VPS13B: variants seen among roughly 807,000 people sequenced by gnomAD.
The protein encoded by VPS13B is intermembrane lipid transfer protein VPS13B.
A neutral mutation model predicts 426.4 loss-of-function variants in VPS13B; 285 were observed. That is an observed-to-expected ratio of 0.67 (90% CI 0.61 to 0.74). VPS13B has a LOEUF of 0.74. Among genes scored for constraint, VPS13B ranks in the 30% least tolerant of loss-of-function variants. The pLI is 0.00. For missense variants in VPS13B, 4,537 were observed against 4,782.6 expected (o/e 0.95, Z 1.51); for synonymous variants, 1,676 against 1,676.4 (o/e 1.00, Z 0.01).
intron 44 of VPS13B, among the ~76,000 whole-genome samples, chr8:99,813,282 C>T (rs1813828111): frequency 6.6e-6 from 1 of 152,110 alleles, no homozygotes; most frequent in South Asian, 2.1e-4. Context: ...TAAAAACCCA[C>T]CAAGAGGATC....
chr8:99,708,841 C>CTA (rs1210083380), intron 36 of VPS13B, among the ~76,000 whole-genome samples: 20 of 143,778 alleles, frequency 1.4e-4, no homozygotes, highest in Admixed American at 4.6e-4. Context: ...CTCTCTCTCT[C>CTA]TCTCTCTCTA....
At chr8:99,275,420 C>A (rs893562735) in intron 19 of VPS13B, among the ~76,000 whole-genome samples, 166 bp downstream of exon 19, 3 of 148,512 alleles carry the variant, frequency 2.0e-5, no homozygotes, top group Non-Finnish European at 3.0e-5. Flanking sequence ...TTTTGTATCA[C>A]TTTTGTTAAT....
intron 16 of VPS13B, among the ~76,000 whole-genome samples, chr8:99,176,360 C>T (rs1812632218): frequency 6.6e-6 from 1 of 152,102 alleles, no homozygotes; most frequent in African/African-American, 2.4e-5. Context: ...TGGTCTTGAA[C>T]TCCTGGCCTC....
chr8:99,456,644 T>G (rs1481088895), intron 23 of VPS13B, among the ~76,000 whole-genome samples: 1 of 152,242 alleles, frequency 6.6e-6, no homozygotes, highest in East Asian at 1.9e-4. Context: ...ATTTCTCAAA[T>G]GTATCCCATT....
intron 31 of VPS13B, among the ~76,000 whole-genome samples, chr8:99,570,904 C>A (rs924043290): frequency 1.1e-4 from 16 of 152,046 alleles, no homozygotes; most frequent in African/African-American, 3.6e-4. Flanking sequence ...TGAGGACCAC[C>A]CAGGTAATAT....
At chr8:99,569,434 C>T (rs973209051) in intron 31 of VPS13B, among the ~76,000 whole-genome samples, 19 of 148,546 alleles carry the variant, frequency 1.3e-4, no homozygotes, top group African/African-American at 4.7e-4. Flanking sequence ...GACCCTTTCT[C>T]ATACACAAAA....
intron 17 of VPS13B, among the ~76,000 whole-genome samples, chr8:99,221,516 T>C (rs1389093875): frequency 6.6e-6 from 1 of 152,234 alleles, no homozygotes; most frequent in Non-Finnish European, 1.5e-5. Context: ...TTAATAACTA[T>C]TTTCTTATGA....
At chr8:99,831,068 G>GTTTTTTTTTTTTTT (rs920493972) in intron 51 of VPS13B, among the ~76,000 whole-genome samples, 1 of 98,168 alleles carries the variant, frequency 1.0e-5, no homozygotes, top group African/African-American at 3.9e-5. Context: ...GGGAATTGGT[G>GTTTTTTTTTTTTTT]TTTTTTTCTT....
At chr8:99,379,796 TATG>T (rs779035783) in intron 19 of VPS13B, among the ~76,000 whole-genome samples, 5 of 152,178 alleles carry the variant, frequency 3.3e-5, no homozygotes, top group Non-Finnish European at 7.4e-5. Context: ...GTGGTATTTA[TATG>T]ATATTAGTTA....
At position 99,234,515 on chromosome 8, in the gene VPS13B, G is replaced by A. The variant is rs561286087; in HGVS notation, c.2516-39683G>A. ...ACACGCCGGTAGGGAAGGGGCTTCC[G>A]CGGGGTTGGGGTTCAGGGGCCGCAG... On this transcript the variant is annotated intron_variant, in intron 17 of 61. Transcript: ENST00000357162. 679 of 505,770 alleles carry A rather than the reference G, an allele frequency of 1.3e-3. 15 individuals are homozygous for A. Among genetic ancestry groups the A allele is most frequent in the South Asian group, 0.01 (653 of 62,574 alleles). The allele number at this position is 505,770 out of a possible 1,614,324, so 31.3% of individuals were successfully genotyped here.
intron 37 of VPS13B, among the ~76,000 whole-genome samples, chr8:99,719,490 A>C (rs923287208): frequency 6.6e-5 from 10 of 152,212 alleles, no homozygotes; most frequent in Non-Finnish European, 2.9e-5. Context: ...GCTAGGGTTT[A>C]AAACTTACCC....
At chr8:99,660,906 C>T (rs1164239747) in intron 34 of VPS13B, among the ~76,000 whole-genome samples, 1 of 152,034 alleles carries the variant, frequency 6.6e-6, no homozygotes, top group South Asian at 2.1e-4. Context: ...GTCAGTAAAA[C>T]TCTTAAAACA....
chr8:99,339,035 T>C (rs992626877), intron 19 of VPS13B, among the ~76,000 whole-genome samples: 5 of 152,202 alleles, frequency 3.3e-5, no homozygotes, highest in Admixed American at 1.3e-4. Context: ...GACACTATTC[T>C]AAAGTTAGAG....
rs1245895196 is a variant in VPS13B, at chr8:99,731,186, A to G, written c.7050+10139A>G. Reference sequence around the variant, plus strand: ...GAGAGGCCGCAGATGTGGCTTCTTAATCTCCATTCATTCCATGGTGGGAAA... The same window carrying G: ...GAGAGGCCGCAGATGTGGCTTCTTAGTCTCCATTCATTCCATGGTGGGAAA... On this transcript the variant is annotated intron_variant, in intron 39 of 61. Transcript: ENST00000357162. Among the ~76,000 whole-genome samples, 6 of 152,288 alleles carry G rather than the reference A, an allele frequency of 3.9e-5. No individual in the cohort carries two copies. In the East Asian group the frequency reaches 1.2e-3, roughly 29 times the overall value.
intron 3 of VPS13B, among the ~76,000 whole-genome samples, chr8:99,075,750 G>A (rs956907852): frequency 6.6e-6 from 1 of 152,052 alleles, no homozygotes; most frequent in Admixed American, 6.6e-5. Flanking sequence ...TTGTGATTTT[G>A]TTCATTTGGG....
chr8:99,281,491 A>G (rs891659543), intron 19 of VPS13B, among the ~76,000 whole-genome samples: 17 of 152,206 alleles, frequency 1.1e-4, no homozygotes, highest in African/African-American at 3.9e-4. Flanking sequence ...GCTTCCTGTT[A>G]TAAAACATTT....
chr8:99,812,401 C>T (rs186945197), intron 44 of VPS13B, among the ~76,000 whole-genome samples: 20 of 152,278 alleles, frequency 1.3e-4, no homozygotes, highest in African/African-American at 4.3e-4. Flanking sequence ...TTTCCTTCTA[C>T]CCCACCTGGG....
intron 8 of VPS13B, among the ~76,000 whole-genome samples, chr8:99,134,008 C>A (rs1809939493): frequency 6.6e-6 from 1 of 152,150 alleles, no homozygotes; most frequent in Non-Finnish European, 1.5e-5. Flanking sequence ...AGTGCAATAT[C>A]TGCGAAGTGA....
chr8:99,418,461 TTC>T (rs1450958356), intron 21 of VPS13B, among the ~76,000 whole-genome samples: 32 of 80,200 alleles, frequency 4.0e-4, no homozygotes, highest in African/African-American at 1.4e-3. Flanking sequence ...ATAGTTTTCT[TTC>T]TTTCTTTCTT....
Sources: gnomAD v4.1 joint callset for allele counts (sites outside exome capture counted in the v4.1 genomes callset) on GRCh38, gnomAD v4.1.1 for gene constraint, MANE v1.5 for transcripts, NCBI Gene and HGNC (gene_info 2026-07-23, HGNC 2026-07-21) for gene names.